Variants in ZDHHC8 observed in about 807,000 individuals in gnomAD.
ZDHHC8 encodes zDHHC palmitoyltransferase 8.
In ZDHHC8, 24 loss-of-function variants were observed where a neutral mutation model predicts 61.2. The ratio of observed to expected loss-of-function variants is 0.39; its 90% CI spans 0.28 to 0.55. The LOEUF (loss-of-function observed/expected upper bound fraction) is 0.55, where lower values mean the gene tolerates loss of function less well. ZDHHC8 is among the 20% of genes least tolerant of loss of function. The pLI is 0.60. For synonymous variants in ZDHHC8, 523 were observed against 492.5 expected (o/e 1.06, Z -0.82); for missense variants, 935 against 1,102.1 (o/e 0.85, Z 2.15).
Position 20,146,702 on chromosome 22 carries a change from A to G in ZDHHC8, c.*1302A>G. 2.7e-6 allele frequency: 3 copies of G among 1,119,280 alleles called. No homozygotes were observed. Among genetic ancestry groups the G allele is most frequent in the Non-Finnish European group, 3.3e-6 (3 of 916,202 alleles). 69.3% of individuals were successfully genotyped at this position (1,119,280 alleles called of 1,614,324 possible). ...GGTCTGTGTCAGTTCTGGCAGTGAC[A>G]GGGTGTTTGGGGGAAAGACTTGGGT... On this transcript the variant is annotated 3_prime_UTR_variant, in exon 11 of 11. Coordinates refer to ENST00000334554, the MANE Select transcript of ZDHHC8 (RefSeq NM_013373.4).
intron 1 of ZDHHC8, among the ~76,000 whole-genome samples, chr22:20,135,319 G>A (rs1026872442): frequency 2.0e-5 from 3 of 152,084 alleles, no homozygotes; most frequent in Non-Finnish European, 2.9e-5. Context: ...ATGCTAGGCT[G>A]GGTCAGCTGC....
At chr22:20,144,473 G>T (rs977755726) in intron 10 of ZDHHC8, among the ~76,000 whole-genome samples, 1 of 152,354 alleles carries the variant, frequency 6.6e-6, no homozygotes, top group South Asian at 2.1e-4. Context: ...CCCTGTCCGG[G>T]CCTGGAAACC....
At chr22:20,144,901 G>A (rs1602577209) in intron 10 of ZDHHC8, among the ~76,000 whole-genome samples, 1 of 152,218 alleles carries the variant, frequency 6.6e-6, no homozygotes, top group Non-Finnish European at 1.5e-5. Context: ...CACGGCAGGG[G>A]CTCCATTCAG....
chr22:20,140,859 G>A lies in ZDHHC8; in HGVS notation c.753-12G>A. 1 of 1,600,654 alleles carries A rather than the reference G, an allele frequency of 6.2e-7. No individual in the cohort carries two copies. On this transcript the variant is annotated splice_polypyrimidine_tract_variant and intron_variant, in intron 6 of 10. Coordinates refer to ENST00000334554, the MANE Select transcript of ZDHHC8 (RefSeq NM_013373.4). ...AGGTGGGCTGGCTACTGACCCCTGT[G>A]CCCTGGTGCAGGTACGTGGTGGAGC...
intron 10 of ZDHHC8, among the ~76,000 whole-genome samples, chr22:20,144,933 C>T (rs564806490): frequency 9.6e-4 from 146 of 152,322 alleles, no homozygotes; most frequent in African/African-American, 3.2e-3. Flanking sequence ...CTGCCCCATG[C>T]TCTCTGTGGC....
chr22:20,139,185 C>T lies in ZDHHC8; in HGVS notation c.105-9C>T, dbSNP rs761959565. ...AGACTCCACTCTCTGCCCCCACTGT[C>T]TACTGCAGGTGCCCGTGGTTGACAC... On this transcript the variant is annotated splice_polypyrimidine_tract_variant and intron_variant, in intron 1 of 10. Transcript: ENST00000334554. 3 of 1,612,062 alleles carry T rather than the reference C, an allele frequency of 1.9e-6. No homozygotes were observed. Among genetic ancestry groups the T allele is most frequent in the Non-Finnish European group, 2.5e-6 (3 of 1,178,990 alleles).
chr22:20,131,936 G>A lies in ZDHHC8; in HGVS notation c.-12G>A, dbSNP rs768492117. The A allele has an allele frequency of 9.1e-5, 104 of 1,139,216 alleles. 1 individual carries two copies. The highest frequency in any genetic ancestry group is 1.0e-4 in the Non-Finnish European group (96 of 920,442). The allele number at this position is 1,139,216 out of a possible 1,614,324, so 70.6% of individuals were successfully genotyped here. On this transcript the variant is annotated 5_prime_UTR_variant, in exon 1 of 11. Coordinates refer to ENST00000334554, the MANE Select transcript of ZDHHC8 (RefSeq NM_013373.4). The stretch of plus-strand genomic sequence containing the variant: ...CGGCCCCGGGGAGGGATGCGGCGGC[G>A]CGGCGCCCAGGATGCCCCGCAGCCC...
At chr22:20,139,946 G>T in intron 4 of ZDHHC8, 54 bp downstream of exon 4, 1 of 1,600,056 alleles carries the variant, frequency 6.2e-7, no homozygotes. Flanking sequence ...CCGGGGACAC[G>T]TTCACCAGGG....
chr22:20,134,160 A>T (rs1002983334), intron 1 of ZDHHC8, among the ~76,000 whole-genome samples: 9 of 152,202 alleles, frequency 5.9e-5, no homozygotes, highest in Non-Finnish European at 1.2e-4. Flanking sequence ...AGAAGATGCC[A>T]TGTGTCCCTG....
rs2050522287 is a variant in ZDHHC8 at position 20,146,280 on chromosome 22, C to T, written c.*880C>T. The T allele has an allele frequency of 4.1e-6, 4 of 985,600 alleles. No homozygotes were observed. The highest frequency in any genetic ancestry group is 4.8e-6 in the Non-Finnish European group (4 of 829,946). The allele number at this position is 985,600 out of a possible 1,614,324, so 61.1% of individuals were successfully genotyped here. ...AGGCATGCCACGTCCGCAGCCCCGG[C>T]CTGGCTGCGGTGCTCGCGCCGTGGG... On this transcript the variant is annotated 3_prime_UTR_variant, in exon 11 of 11. Transcript: ENST00000334554.
At chr22:20,140,825 G>T in intron 6 of ZDHHC8, 46 bp from the exon 7 acceptor site, 1 of 1,600,720 alleles carries the variant, frequency 6.2e-7, no homozygotes, top group Non-Finnish European at 8.5e-7. Flanking sequence ...GCCCTTGTGT[G>T]TTTGTGGCAG....
Position 20,131,990 on chromosome 22 carries a change from A to C in ZDHHC8, c.43A>C (p.Ile15Leu). 2.9e-6 allele frequency: 4 copies of C among 1,373,286 alleles called. No individual in the cohort carries two copies. The highest frequency in any genetic ancestry group is 1.4e-5 in the South Asian group (1 of 74,036). 85.1% of individuals were successfully genotyped at this position (1,373,286 alleles called of 1,614,324 possible). The change falls in exon 1 of 11, where the codon ATC becomes CTC. Residue 15 changes from isoleucine to leucine, a missense_variant. Around this residue, in one of 3 missense-constraint regions of ZDHHC8, gnomAD observed 44 missense variants for 36.6 expected, o/e 1.20. Transcript: ENST00000334554. ...GACGCGCCTCAAACCCGCCAAGTAC[A>C]TCCCGGTGGCCACGGCCGCCGCGCT... ...PGTRLKPAKY[I>L]PVATAAALLV... is the part of the protein sequence containing the mutation.
intron 1 of ZDHHC8, among the ~76,000 whole-genome samples, chr22:20,133,799 A>T (rs1342028102): frequency 6.6e-6 from 1 of 151,986 alleles, no homozygotes; most frequent in Non-Finnish European, 1.5e-5. Context: ...AGAAATTAAA[A>T]TCAACCCCAC....
intron 1 of ZDHHC8, among the ~76,000 whole-genome samples, chr22:20,136,449 T>C (rs925800824): frequency 2.0e-5 from 3 of 152,192 alleles, no homozygotes; most frequent in African/African-American, 4.8e-5. Context: ...CTGAGAGTGC[T>C]TGTGTGTCCT....
At position 20,132,002 on chromosome 22, in the gene ZDHHC8, A is replaced by G. The variant is rs1954130276; in HGVS notation, c.55A>G (p.Thr19Ala). The G allele has an allele frequency of 7.2e-7, 1 of 1,383,328 alleles. No individual in the cohort carries two copies. Among genetic ancestry groups the G allele is most frequent in the South Asian group, 1.3e-5 (1 of 74,702 alleles). 85.7% of individuals were successfully genotyped at this position (1,383,328 alleles called of 1,614,324 possible). Residue 19 changes from threonine (T) to alanine (A), a missense_variant, in exon 1 of 11, where the codon ACG (threonine) becomes GCG (alanine). Coordinates refer to ENST00000334554, the MANE Select transcript of ZDHHC8 (RefSeq NM_013373.4). ...ACCCGCCAAGTACATCCCGGTGGCC[A>G]CGGCCGCCGCGCTGCTGGTCGGCTC... is the stretch of plus-strand genomic sequence containing the variant. ...LKPAKYIPVA[T>A]AAALLVGSST...
chr22:20,132,282 G>A (rs1024830064), intron 1 of ZDHHC8, among the ~76,000 whole-genome samples: 2 of 152,222 alleles, frequency 1.3e-5, no homozygotes, highest in African/African-American at 4.8e-5. Context: ...ACACCAGTGC[G>A]GGCTGGGCAC....
At position 20,143,591 on chromosome 22, in the gene ZDHHC8, A is replaced by G. The variant is rs753869821; in HGVS notation, c.1961A>G (p.Asn654Ser). ...SSLQADQASS[N>S]APGPRPSSGS... ...CTGCAGGCTGATCAGGCCAGCAGCA[A>G]CGCCCCGGGGCCCCGGCCCAGCAGT... is the stretch of plus-strand genomic sequence containing the variant. Residue 654 changes from asparagine (N) to serine (S), a missense_variant, in exon 10 of 11, where the codon AAC becomes AGC. Asn to Ser is a conservative substitution (Grantham distance 46). This residue lies in a region of ZDHHC8 where 692 missense variants were observed against 731.4 expected (regional missense o/e 0.95). Coordinates refer to ENST00000334554, the MANE Select transcript of ZDHHC8 (RefSeq NM_013373.4). The G allele has an allele frequency of 4.6e-5, 73 of 1,600,712 alleles. No individual in the cohort carries two copies. The highest frequency in any genetic ancestry group is 6.0e-5 in the Non-Finnish European group (71 of 1,178,080).
chr22:20,146,120 A>G lies in ZDHHC8; in HGVS notation c.*720A>G. The G allele has an allele frequency of 1.0e-6, 1 of 985,684 alleles. No individual in the cohort carries two copies. The highest frequency in any genetic ancestry group is 1.2e-6 in the Non-Finnish European group (1 of 829,956). The allele number at this position is 985,684 out of a possible 1,614,324, so 61.1% of individuals were successfully genotyped here. On this transcript the variant is annotated 3_prime_UTR_variant, in exon 11 of 11. Transcript: ENST00000334554. The stretch of plus-strand genomic sequence containing the variant: ...TCATCAAAGCCTTAACCTTTGCTTT[A>G]TGCTCTTGTGGGAGGCGACGGGGGG...
chr22:20,139,379 C>T, intron 2 of ZDHHC8, 64 bp downstream of exon 2: 1 of 1,604,676 alleles, frequency 6.2e-7, no homozygotes, highest in Non-Finnish European at 8.5e-7. Context: ...TAACTTGAGA[C>T]AGCCTTAGGG....
Sources: allele counts gnomAD v4.1 joint callset (sites outside exome capture counted in the v4.1 genomes callset), GRCh38; gene constraint gnomAD v4.1.1; regional missense constraint gnomAD v4.1.1; transcripts MANE v1.5; gene names NCBI Gene and HGNC (gene_info 2026-07-23, HGNC 2026-07-21).